ARMH4: variants seen among roughly 807,000 people sequenced by gnomAD.
The protein encoded by ARMH4 is armadillo like helical domain containing 4.
A neutral mutation model predicts 61.9 loss-of-function variants in ARMH4; 49 were observed. The observed-to-expected ratio is 0.79, with a 90% CI of 0.63 to 1.00. The LOEUF is 1.00. Ranked by LOEUF, ARMH4 falls within the 50% of genes least tolerant of loss-of-function variation. The probability of loss-of-function intolerance (pLI) is 0.00; values close to 1 mark genes in which losing one functional copy is unlikely to be tolerated. For missense variants in ARMH4, 934 were observed against 930.0 expected (o/e 1.00, Z -0.06); for synonymous variants, 368 against 341.5 (o/e 1.08, Z -0.85).
At chr14:58,102,313 G>A (rs978246841) in intron 4 of ARMH4, among the ~76,000 whole-genome samples, 3 of 152,140 alleles carry the variant, frequency 2.0e-5, no homozygotes, top group African/African-American at 2.4e-5. Context: ...GTGGAAAAGC[G>A]GACAGACTTG....
intron 4 of ARMH4, among the ~76,000 whole-genome samples, chr14:58,110,211 T>C (rs193030876): frequency 8.5e-5 from 13 of 152,348 alleles, no homozygotes; most frequent in South Asian, 2.1e-4. Flanking sequence ...TTGGGTTTTA[T>C]TTTTTAAGCT....
rs143986395 is a variant in ARMH4 at position 58,005,182 on chromosome 14, C to A, written c.2122G>T (p.Ala708Ser). 21 of 1,613,914 alleles carry A rather than the reference C, an allele frequency of 1.3e-5. No homozygotes were observed. In the South Asian group the frequency reaches 1.5e-4, roughly 12 times the overall value. The change falls in exon 7 of 8, where the codon GCT becomes TCT. Residue 708 changes from alanine to serine, a missense_variant and splice_region_variant. By Grantham distance (99) the Ala-to-Ser change is moderately conservative. Coordinates refer to ENST00000267485, the MANE Select transcript of ARMH4 (RefSeq NM_001001872.4). ...RSWMEKLKDK[A>S]GYMSGMLVPV... The stretch of plus-strand genomic sequence containing the variant: ...ACCAGCATCCCAGACATGTAACCAG[C>A]CTGCATAGAAAAGGAAACACACATT...
chr14:58,103,856 C>T (rs1314790151), intron 4 of ARMH4, among the ~76,000 whole-genome samples: 4 of 152,242 alleles, frequency 2.6e-5, no homozygotes, highest in Admixed American at 2.6e-4. Context: ...CTATATAATC[C>T]TGATCTCCTA....
chr14:58,134,119 A>G (rs1286046916), intron 2 of ARMH4, among the ~76,000 whole-genome samples: 1 of 152,244 alleles, frequency 6.6e-6, no homozygotes, highest in African/African-American at 2.4e-5. Context: ...AGTATTTGGT[A>G]AGTATTCAAT....
chr14:58,012,281 G>A (rs1882438903), intron 5 of ARMH4, 131 bp from the exon 6 acceptor site: 2 of 488,380 alleles, frequency 4.1e-6, no homozygotes, highest in Middle Eastern at 5.6e-4. Flanking sequence ...ATAACATAAT[G>A]ACGATAATGG....
In ARMH4 at chr14:58,097,900, G is replaced by A. The variant is rs79183927; in HGVS notation, c.1832-919C>T. Among the ~76,000 whole-genome samples, 121 of 152,126 alleles carry A rather than the reference G, an allele frequency of 8.0e-4. No individual in the cohort carries two copies. The East Asian group carries it at 0.023, about 29-fold the overall frequency. ...GCTGTCATTTTCAATGCTCCAAGTG[G>A]AGTGGGTTTAAGGAACATATGATTC... is the stretch of plus-strand genomic sequence containing the variant. On this transcript the variant is annotated intron_variant, in intron 4 of 7. Transcript: ENST00000267485.
intron 5 of ARMH4, among the ~76,000 whole-genome samples, chr14:58,089,384 A>C (rs1885486188): frequency 1.3e-5 from 2 of 152,206 alleles, no homozygotes. Context: ...ATGGATAATA[A>C]GAAAAAAGGA....
At chr14:58,107,354 T>A (rs1048707216) in intron 4 of ARMH4, among the ~76,000 whole-genome samples, 6 of 152,248 alleles carry the variant, frequency 3.9e-5, no homozygotes, top group Non-Finnish European at 8.8e-5. Flanking sequence ...CTTTTTGGAA[T>A]AGCAATGATT....
At chr14:58,070,565 G>T (rs1488921793) in intron 5 of ARMH4, among the ~76,000 whole-genome samples, 1 of 152,150 alleles carries the variant, frequency 6.6e-6, no homozygotes, top group Non-Finnish European at 1.5e-5. Context: ...ACATAAAAAT[G>T]GCAAGGGGTT....
intron 4 of ARMH4, among the ~76,000 whole-genome samples, chr14:58,108,252 T>G (rs1886232997): frequency 6.6e-6 from 1 of 152,186 alleles, no homozygotes; most frequent in South Asian, 2.1e-4. Context: ...TACATAGAAT[T>G]TCATTACATT....
chr14:58,127,568 G>A (rs1016113017), intron 4 of ARMH4, among the ~76,000 whole-genome samples: 8 of 152,060 alleles, frequency 5.3e-5, no homozygotes, highest in Admixed American at 1.3e-4. Flanking sequence ...ACTAATACAG[G>A]GTTGAGACAA....
At chr14:58,017,270 T>A (rs918620608) in intron 5 of ARMH4, among the ~76,000 whole-genome samples, 3 of 152,150 alleles carry the variant, frequency 2.0e-5, no homozygotes, top group African/African-American at 4.8e-5. Flanking sequence ...GCTGTGTTCA[T>A]GCCACTGCAC....
intron 5 of ARMH4, among the ~76,000 whole-genome samples, chr14:58,093,084 G>A (rs76270705): frequency 0.03 from 4,490 of 152,028 alleles, 84 homozygotes; most frequent in Non-Finnish European, 0.044. Flanking sequence ...TTTTATAGGG[G>A]GCTTTTACCC....
chr14:58,125,331 T>C (rs1886864414), intron 4 of ARMH4, among the ~76,000 whole-genome samples: 1 of 152,104 alleles, frequency 6.6e-6, no homozygotes, highest in Non-Finnish European at 1.5e-5. Flanking sequence ...GGAAAAATAC[T>C]TTTGCCTGCA....
intron 5 of ARMH4, among the ~76,000 whole-genome samples, chr14:58,059,314 A>G (rs566490519): frequency 6.6e-6 from 1 of 152,348 alleles, no homozygotes; most frequent in Non-Finnish European, 1.5e-5. Context: ...CTGGGAAGGC[A>G]TGCTCCCAGG....
intron 5 of ARMH4, among the ~76,000 whole-genome samples, chr14:58,056,353 C>T (rs1884348379): frequency 6.6e-6 from 1 of 152,238 alleles, no homozygotes; most frequent in African/African-American, 2.4e-5. Context: ...AACCAACTTA[C>T]ATATACTGTT....
intron 6 of ARMH4, among the ~76,000 whole-genome samples, chr14:58,006,547 C>T (rs2141124930): frequency 6.6e-6 from 1 of 152,248 alleles, no homozygotes; most frequent in East Asian, 1.9e-4. Context: ...TTTCTGCCTC[C>T]CAGAGTCTTC....
chr14:58,116,490 C>A, intron 4 of ARMH4: 1 of 267,766 alleles, frequency 3.7e-6, no homozygotes, highest in Non-Finnish European at 7.9e-6. Flanking sequence ...GCCTGGGCAA[C>A]ATGGTGAAAC....
chr14:58,044,667 A>G (rs570692009), intron 5 of ARMH4, among the ~76,000 whole-genome samples: 2 of 152,320 alleles, frequency 1.3e-5, no homozygotes, highest in South Asian at 4.1e-4. Context: ...CTACCATCAG[A>G]GTGAACAGGC....
Sources: gnomAD v4.1 joint callset for allele counts (sites outside exome capture counted in the v4.1 genomes callset) on GRCh38, gnomAD v4.1.1 for gene constraint, MANE v1.5 for transcripts, NCBI Gene and HGNC (gene_info 2026-07-23, HGNC 2026-07-21) for gene names.